XK: variants seen among roughly 807,000 people sequenced by gnomAD.
XK encodes the protein endoplasmic reticulum membrane adapter protein XK.
XK carries 2 observed loss-of-function variants against 14.0 expected under a neutral mutation model. The ratio of observed to expected loss-of-function variants is 0.14; its 90% CI spans 0.06 to 0.45. The LOEUF (loss-of-function observed/expected upper bound fraction) is 0.45, where lower values mean the gene tolerates loss of function less well. Ranked by LOEUF, XK falls within the 20% of genes least tolerant of loss-of-function variation. The probability of loss-of-function intolerance (pLI) is 0.98; values close to 1 mark genes in which losing one functional copy is unlikely to be tolerated. For missense variants in XK, 235 were observed against 341.5 expected (o/e 0.69, Z 2.46); for synonymous variants, 149 against 147.5 (o/e 1.01, Z -0.08).
chrX:37,685,878 C>G lies in XK; in HGVS notation c.-84C>G. On this transcript the variant is annotated 5_prime_UTR_variant, in exon 1 of 3. Transcript: ENST00000378616. ...GTTTGGGGCTGGGCATGCTGGGAGC[C>G]CCTCGGGCAACGGCCGCCGCCGCCA... 1 of 1,083,405 alleles carries G rather than the reference C, an allele frequency of 9.2e-7. No homozygotes were observed. Among genetic ancestry groups the G allele is most frequent in the South Asian group, 2.0e-5 (1 of 49,524 alleles). The allele number at this position is 1,083,405 out of a possible 1,213,427, so 89.3% of individuals were successfully genotyped here. A position where few individuals can be genotyped will look rare whatever the true frequency, so the allele number is the denominator to read the frequency against.
rs1928072187 is a variant in XK, at chrX:37,730,838, G to A, written c.*2376G>A. 1.8e-5 allele frequency: 2 copies of A among 112,163 alleles called. No homozygotes were observed. Among genetic ancestry groups the A allele is most frequent in the Admixed American group, 9.5e-5 (1 of 10,564 alleles). The allele number at this position is 112,163 out of a possible 1,213,427, so 9.2% of individuals were successfully genotyped here. ...TAGAAGATAGGTGAGCAACTTGAGT[G>A]ATCCCAAACCAAACTAACAGTGCTG... On this transcript the variant is annotated 3_prime_UTR_variant, in exon 3 of 3. Transcript: ENST00000378616.
chrX:37,723,037 A>C (rs781812459), intron 2 of XK, among the ~76,000 whole-genome samples: 2 of 111,497 alleles, frequency 1.8e-5, no homozygotes, highest in Non-Finnish European at 3.8e-5. Context: ...AAGGGTTTGA[A>C]ATATTGCCAA....
intron 1 of XK, among the ~76,000 whole-genome samples, chrX:37,688,189 T>G (rs1927131641): frequency 9.3e-6 from 1 of 107,483 alleles, no homozygotes; most frequent in Non-Finnish European, 1.9e-5. Flanking sequence ...GCCTCCTGAG[T>G]AGCTGGGACT....
intron 1 of XK, among the ~76,000 whole-genome samples, chrX:37,691,101 A>G (rs997417626): frequency 8.9e-6 from 1 of 112,350 alleles, no homozygotes; most frequent in African/African-American, 3.2e-5. Flanking sequence ...GTGGCTTACA[A>G]GAGGTTCCGC....
At position 37,715,823 on chromosome X, in the gene XK, T is replaced by C. The variant is rs782050382; in HGVS notation, c.509-11813T>C. ...GCTTATTATAAGATTATATTAAGTCTACAAGACTTGAAGGTGGGTTCATAT... is the reference window on the plus strand; with the variant it reads ...GCTTATTATAAGATTATATTAAGTCCACAAGACTTGAAGGTGGGTTCATAT... On this transcript the variant is annotated intron_variant, in intron 2 of 2. Transcript: ENST00000378616. Among the ~76,000 whole-genome samples, 96 of 111,876 alleles carry C rather than the reference T, an allele frequency of 8.6e-4. 1 individual carries two copies. The highest frequency in any genetic ancestry group is 3.1e-3 in the African/African-American group (95 of 30,810).
intron 2 of XK, among the ~76,000 whole-genome samples, chrX:37,705,256 T>G (rs932627885): frequency 1.9e-5 from 2 of 106,818 alleles, no homozygotes; most frequent in East Asian, 5.9e-4. Context: ...CCATCCTGGC[T>G]AACATGGTGA....
intron 2 of XK, among the ~76,000 whole-genome samples, chrX:37,718,866 A>G (rs1320263126): frequency 1.8e-5 from 2 of 111,365 alleles, no homozygotes; most frequent in Non-Finnish European, 3.8e-5. Context: ...GTGTATGTGC[A>G]TGCATACACA....
At chrX:37,705,636 T>C (rs912556336) in intron 2 of XK, among the ~76,000 whole-genome samples, 14 of 111,738 alleles carry the variant, frequency 1.3e-4, no homozygotes, top group Non-Finnish European at 1.9e-4. Context: ...TAGGAACTTC[T>C]CATACAATCT....
intron 2 of XK, 51 bp downstream of exon 2, chrX:37,694,599 A>C (rs2146812367): frequency 8.6e-7 from 1 of 1,166,410 alleles, no homozygotes; most frequent in African/African-American, 1.8e-5. Flanking sequence ...AATGAGAAGC[A>C]AAATATGCAG....
At chrX:37,701,639 C>T (rs1352137447) in intron 2 of XK, among the ~76,000 whole-genome samples, 2 of 112,714 alleles carry the variant, frequency 1.8e-5, no homozygotes, top group African/African-American at 6.5e-5. Flanking sequence ...GAGAGTCCCT[C>T]TATCTTTAGT....
intron 2 of XK, among the ~76,000 whole-genome samples, chrX:37,716,015 C>A (rs186178624): frequency 9.0e-6 from 1 of 111,564 alleles, no homozygotes; most frequent in Admixed American, 9.5e-5. Context: ...TGGTACACAG[C>A]GGGAAGACAT....
intron 1 of XK, among the ~76,000 whole-genome samples, chrX:37,692,998 CCTT>C (rs1927233227): frequency 9.0e-6 from 1 of 110,750 alleles, no homozygotes; most frequent in East Asian, 2.8e-4. Flanking sequence ...ACACCATACA[CCTT>C]CTTTCTCCTA....
In XK at chrX:37,719,136, TA is replaced by T. The variant is rs782758241; in HGVS notation, c.509-8499del. Among the ~76,000 whole-genome samples, 3 of 111,550 alleles carry T rather than the reference TA, an allele frequency of 2.7e-5. No individual in the cohort carries two copies. In the South Asian group the frequency reaches 1.1e-3, roughly 41 times the overall value. On this transcript the variant is annotated intron_variant, in intron 2 of 2. Coordinates refer to ENST00000378616, the MANE Select transcript of XK (RefSeq NM_021083.4). ...ACTGTGTTACTTCCTACTTTTAGAT[TA>T]TCATTCATCTTCCAGCTTCCATTAT...
chrX:37,688,422 A>G (rs782678993), intron 1 of XK, among the ~76,000 whole-genome samples: 1 of 111,124 alleles, frequency 9.0e-6, no homozygotes, highest in African/African-American at 3.3e-5. Flanking sequence ...AAGTGGAGTA[A>G]CAGGAAAAAG....
At chrX:37,721,496 C>T (rs983066500) in intron 2 of XK, among the ~76,000 whole-genome samples, 1 of 111,059 alleles carries the variant, frequency 9.0e-6, no homozygotes, top group African/African-American at 3.3e-5. Context: ...ATCAAAATCA[C>T]AAGATACAAT....
At chrX:37,696,563 A>G (rs1316701404) in intron 2 of XK, among the ~76,000 whole-genome samples, 2 of 112,752 alleles carry the variant, frequency 1.8e-5, no homozygotes, top group Non-Finnish European at 3.7e-5. Flanking sequence ...TAAGGAGGGA[A>G]TATCTCACCC....
chrX:37,707,429 G>A (rs1338031497), intron 2 of XK, among the ~76,000 whole-genome samples: 6 of 107,685 alleles, frequency 5.6e-5, no homozygotes, highest in Non-Finnish European at 3.9e-5. Context: ...GCCGGGCGCA[G>A]GGGCTCCTCA....
chrX:37,699,721 G>A (rs1356567215), intron 2 of XK, among the ~76,000 whole-genome samples: 1 of 112,212 alleles, frequency 8.9e-6, no homozygotes, highest in African/African-American at 3.2e-5. Flanking sequence ...TTTAAGTCAA[G>A]TACAAAGTTA....
At position 37,728,510 on chromosome X, in the gene XK, TA is replaced by T; in HGVS notation, c.*49del. On this transcript the variant is annotated 3_prime_UTR_variant, in exon 3 of 3. Coordinates refer to ENST00000378616, the MANE Select transcript of XK (RefSeq NM_021083.4). ...CAGGCATATTATTTTCTGGGTTTGA[TA>T]CTCGTTATTCATACAAATAATGAGC... 8.7e-7 allele frequency: 1 copy of T among 1,145,981 alleles called. No individual in the cohort carries two copies. Among genetic ancestry groups the T allele is most frequent in the African/African-American group, 1.8e-5 (1 of 56,702 alleles). The allele number at this position is 1,145,981 out of a possible 1,213,427, so 94.4% of individuals were successfully genotyped here. A position where few individuals can be genotyped will look rare whatever the true frequency, so the allele number is the denominator to read the frequency against.
Sources: gnomAD v4.1 joint callset for allele counts (sites outside exome capture counted in the v4.1 genomes callset) on GRCh38, gnomAD v4.1.1 for gene constraint, MANE v1.5 for transcripts, NCBI Gene and HGNC (gene_info 2026-07-23, HGNC 2026-07-21) for gene names.